The following PAM16 variants were observed in gnomAD, a reference collection of about 807,000 sequenced individuals.
PAM16 encodes the protein presequence translocase associated motor 16.
Under a neutral mutation model 17.9 loss-of-function variants are expected in PAM16, and 11 were observed. The observed-to-expected ratio is 0.62, with a 90% CI of 0.39 to 1.02. The LOEUF (loss-of-function observed/expected upper bound fraction) is 1.02. PAM16 is among the 50% of genes least tolerant of loss of function. The pLI is 0.01. For synonymous variants in PAM16, 72 were observed against 67.4 expected (o/e 1.07, Z -0.34); for missense variants, 199 against 165.4 (o/e 1.20, Z -1.11).
chr16:4,340,343 T>A lies in PAM16; in HGVS notation c.354A>T (p.Glu118Asp). 1 of 1,613,062 alleles carries A rather than the reference T, an allele frequency of 6.2e-7. No individual in the cohort carries two copies. The highest frequency in any genetic ancestry group is 2.2e-5 in the East Asian group (1 of 44,890). Residue 118 changes from glutamate (E) to aspartate (D), a missense_variant, in exon 5 of 5, where the codon GAA (glutamate) becomes GAT (aspartate). Coordinates refer to ENST00000318059, the MANE Select transcript of PAM16 (RefSeq NM_016069.11). ...GTCACGTATGGGGCATCTGCCCTTT[T>A]TCTCTGTCCTCCTGGGCCTGGATTT... is the stretch of plus-strand genomic sequence containing the variant. ...ELKIQAQEDR[E>D]KGQMPHT
At position 4,340,305 on chromosome 16, in the gene PAM16, G is replaced by T; in HGVS notation, c.*14C>A. On this transcript the variant is annotated 3_prime_UTR_variant, in exon 5 of 5. Coordinates refer to ENST00000318059, the MANE Select transcript of PAM16 (RefSeq NM_016069.11). ...AAATTAGAGGCGGCGGGGTGGGCGGGGGGAGCCGAGCAGTCACGTATGGGG... is the reference window on the plus strand; with the variant it reads ...AAATTAGAGGCGGCGGGGTGGGCGGTGGGAGCCGAGCAGTCACGTATGGGG... The T allele has an allele frequency of 6.2e-7, 1 of 1,603,806 alleles. No individual in the cohort carries two copies. Among genetic ancestry groups the T allele is most frequent in the Non-Finnish European group, 8.5e-7 (1 of 1,173,318 alleles).
rs6500595 is a variant in PAM16 at position 4,351,057 on chromosome 16, G to C, written c.3+175C>G. ...GTTTTCCCTGGCCCTGAGGCCGCCGGTGCCGCCGCTGCCGGCCTCGATTCC... is the reference window on the plus strand; with the variant it reads ...GTTTTCCCTGGCCCTGAGGCCGCCGCTGCCGCCGCTGCCGGCCTCGATTCC... On this transcript the variant is annotated intron_variant, in intron 1 of 4. Transcript: ENST00000318059. 62,647 of 346,506 alleles carry C rather than the reference G, an allele frequency of 0.18. 10,029 individuals are homozygous for C. The highest frequency in any genetic ancestry group is 0.56 in the African/African-American group (26,046 of 46,482). 21.5% of individuals were successfully genotyped at this position (346,506 alleles called of 1,614,324 possible).
At chr16:4,345,785 C>T (rs1416337050) in intron 1 of PAM16, 2 of 966,358 alleles carry the variant, frequency 2.1e-6, no homozygotes, top group African/African-American at 1.8e-5. Flanking sequence ...TGCGGTCTCA[C>T]CTGACTTCGC....
At chr16:4,350,852 C>T (rs142720730) in intron 1 of PAM16, 38 of 191,722 alleles carry the variant, frequency 2.0e-4, no homozygotes, top group Middle Eastern at 1.8e-3. Context: ...CCTGGAAAGG[C>T]CAGCTTTCCA....
chr16:4,349,662 G>A (rs1045319398), intron 1 of PAM16, among the ~76,000 whole-genome samples: 7 of 151,992 alleles, frequency 4.6e-5, no homozygotes, highest in Non-Finnish European at 7.4e-5. Context: ...AACTACTTGG[G>A]GGTCTAAGGT....
In PAM16 at chr16:4,351,235, G is replaced by T; in HGVS notation, c.-1C>A. 6.8e-7 allele frequency: 1 copy of T among 1,467,198 alleles called. No homozygotes were observed. The highest frequency in any genetic ancestry group is 9.1e-7 in the Non-Finnish European group (1 of 1,103,832). 90.9% of individuals were successfully genotyped at this position (1,467,198 alleles called of 1,614,324 possible). A position where few individuals can be genotyped will look rare whatever the true frequency, so the allele number is the denominator to read the frequency against. On this transcript the variant is annotated 5_prime_UTR_variant, in exon 1 of 5. Transcript: ENST00000318059. ...TAGCGCCCGACTCGGGGCTCACCAT[G>T]GCAGCCGCTCTGCCTCCGGGGCTCA... is the stretch of plus-strand genomic sequence containing the variant.
intron 1 of PAM16, chr16:4,347,410 G>A (rs2053775353): frequency 6.6e-6 from 1 of 152,182 alleles, no homozygotes; most frequent in Non-Finnish European, 1.5e-5. Context: ...AAAGTGCTAG[G>A]ATTACAGGTG....
chr16:4,342,722 T>C (rs1210577404), intron 2 of PAM16, among the ~76,000 whole-genome samples: 3 of 151,546 alleles, frequency 2.0e-5, no homozygotes, highest in Non-Finnish European at 2.9e-5. Flanking sequence ...ATCCCAGCAC[T>C]TTGAGGCAGG....
chr16:4,343,588 C>T, intron 1 of PAM16: 1 of 1,380,946 alleles, frequency 7.2e-7, no homozygotes, highest in Non-Finnish European at 9.3e-7. Context: ...GTGGCTGCAA[C>T]CACCGGCTTC....
At chr16:4,344,232 G>C (rs533939655) in intron 1 of PAM16, 23 of 214,058 alleles carry the variant, frequency 1.1e-4, no homozygotes, top group African/African-American at 4.4e-4. Context: ...GAGAGGAGGG[G>C]GTTCCGTGAG....
chr16:4,341,406 G>C lies in PAM16; in HGVS notation c.187C>G (p.Leu63Val). The C allele has an allele frequency of 6.3e-7, 1 of 1,598,210 alleles. No homozygotes were observed. The highest frequency in any genetic ancestry group is 8.5e-7 in the Non-Finnish European group (1 of 1,172,990). ...GLSLQEAQQI[L>V]NVSKLSPEEV... ...TCAGGGCTCAGCTTGGACACGTTGA[G>C]AATCTGCTGTGCCTCCTGGAGGCTG... The change falls in exon 3 of 5, where the codon CTC becomes GTC. Residue 63 changes from leucine to valine, a missense_variant. Physicochemically the swap from Leu to Val is conservative, Grantham distance 32 (BLOSUM62 1). Coordinates refer to ENST00000318059, the MANE Select transcript of PAM16 (RefSeq NM_016069.11).
chr16:4,346,029 A>G, intron 1 of PAM16: 1 of 949,952 alleles, frequency 1.1e-6, no homozygotes, highest in Non-Finnish European at 1.3e-6. Flanking sequence ...AATGAACGGT[A>G]AGAGCTGAGG....
intron 1 of PAM16, among the ~76,000 whole-genome samples, chr16:4,350,068 G>C (rs1001119267): frequency 6.6e-6 from 1 of 152,040 alleles, no homozygotes; most frequent in African/African-American, 2.4e-5. Context: ...GGGAACTTAC[G>C]TGTGCAGAAC....
chr16:4,341,345 T>C (rs368700253), intron 3 of PAM16, 23 bp downstream of exon 3: 28 of 1,557,038 alleles, frequency 1.8e-5, no homozygotes, highest in African/African-American at 6.8e-5. Flanking sequence ...CTCTCAAACT[T>C]TGGGGTGGCC....
intron 1 of PAM16, among the ~76,000 whole-genome samples, chr16:4,344,652 G>A (rs1321546579): frequency 5.8e-5 from 1 of 17,146 alleles, no homozygotes; most frequent in Non-Finnish European, 1.1e-4. Context: ...AGAGGAGGGG[G>A]TTCCGTGAGA....
intron 3 of PAM16, 95 bp downstream of exon 3, chr16:4,341,273 C>A: frequency 6.7e-7 from 1 of 1,487,868 alleles, no homozygotes; most frequent in Non-Finnish European, 9.0e-7. Flanking sequence ...GCAGCTGCAG[C>A]CTCCACATCG....
intron 1 of PAM16, chr16:4,343,619 G>T: frequency 7.4e-7 from 1 of 1,345,010 alleles, no homozygotes; most frequent in South Asian, 1.9e-5. Context: ...ACTGTGGTCT[G>T]GGAGCCAGAA....
chr16:4,350,830 G>A (rs1393432125), intron 1 of PAM16: 1 of 175,828 alleles, frequency 5.7e-6, no homozygotes, highest in African/African-American at 2.4e-5. Context: ...CAAGTCCCAG[G>A]TCAGCCACTT....
In PAM16 at chr16:4,341,400, C is replaced by T. The variant is rs1463730032; in HGVS notation, c.193G>A (p.Val65Met). 11 of 1,594,424 alleles carry T rather than the reference C, an allele frequency of 6.9e-6. No individual in the cohort carries two copies. The highest frequency in any genetic ancestry group is 5.4e-5 in the African/African-American group (4 of 74,698). ...SLQEAQQILN[V>M]SKLSPEEVQK... ...ACCTCCTCAGGGCTCAGCTTGGACA[C>T]GTTGAGAATCTGCTGTGCCTCCTGG... Residue 65 changes from valine to methionine, a missense_variant, in exon 3 of 5, where the codon GTG becomes ATG. By Grantham distance (21) the Val-to-Met change is conservative. Transcript: ENST00000318059.
Sources: allele counts gnomAD v4.1 joint callset (sites outside exome capture counted in the v4.1 genomes callset), GRCh38; gene constraint gnomAD v4.1.1; transcripts MANE v1.5; gene names NCBI Gene and HGNC (gene_info 2026-07-23, HGNC 2026-07-21).